ANKLE2: variants seen among roughly 807,000 people sequenced by gnomAD.
The protein encoded by ANKLE2 is ankyrin repeat and LEM domain-containing protein 2.
Under a neutral mutation model 84.2 loss-of-function variants are expected in ANKLE2, and 55 were observed. The ratio of observed to expected loss-of-function variants is 0.65; its 90% CI spans 0.53 to 0.82. The LOEUF (loss-of-function observed/expected upper bound fraction) is 0.82. Among genes scored for constraint, ANKLE2 ranks in the 40% least tolerant of loss-of-function variants. The probability of loss-of-function intolerance (pLI) is 0.00; values close to 1 mark genes in which losing one functional copy is unlikely to be tolerated. For missense variants in ANKLE2, 1,238 were observed against 1,201.9 expected, an observed-to-expected ratio of 1.03 and a Z score of -0.44; for synonymous variants, 551 against 486.1, an observed-to-expected ratio of 1.13 and a Z score of -1.76.
chr12:132,752,923 T>G (rs2044388111), intron 2 of ANKLE2, among the ~76,000 whole-genome samples: 1 of 150,468 alleles, frequency 6.6e-6, no homozygotes, highest in African/African-American at 2.4e-5. Context: ...TTTGGGAGGC[T>G]CAGGTGGGAG....
chr12:132,740,190 C>G (rs754258008), intron 7 of ANKLE2, among the ~76,000 whole-genome samples: 1 of 152,230 alleles, frequency 6.6e-6, no homozygotes, highest in Non-Finnish European at 1.5e-5. Context: ...GCAGCGACGC[C>G]TCAACGGCCC....
intron 10 of ANKLE2, 146 bp downstream of exon 10, chr12:132,734,239 C>T (rs181926321): frequency 2.2e-5 from 19 of 869,188 alleles, no homozygotes; most frequent in Admixed American, 5.6e-5. Context: ...AGAGAGGTTC[C>T]GTCTCAAAAA....
chr12:132,745,265 G>T, intron 5 of ANKLE2: 1 of 193,680 alleles, frequency 5.2e-6, no homozygotes. Flanking sequence ...GGCTACTGCT[G>T]TTGAGGGTCT....
rs555826589 is a variant in ANKLE2 at position 132,727,596 on chromosome 12, G to A, written c.2616-153C>T. Among the ~76,000 whole-genome samples the A allele has an allele frequency of 0.17, 10,666 of 61,828 alleles. 6 individuals are homozygous for A. Among genetic ancestry groups the A allele is most frequent in the South Asian group, 0.2 (437 of 2,146 alleles). The allele number at this position is 61,828 out of a possible 152,430, so 40.6% of individuals were successfully genotyped here. On this transcript the variant is annotated intron_variant, in intron 12 of 12. Transcript: ENST00000357997. The stretch of plus-strand genomic sequence containing the variant: ...TGGCACCGCGGGCACACACGCCCGG[G>A]TGGAAGAGACGCACTGCTGAACCCT...
rs2044441287 is a variant in ANKLE2 at position 132,754,819 on chromosome 12, G to C, written c.496C>G (p.Pro166Ala). 1.2e-6 allele frequency: 2 copies of C among 1,614,114 alleles called. No individual in the cohort carries two copies. The highest frequency in any genetic ancestry group is 2.2e-5 in the South Asian group (2 of 91,090). Residue 166 changes from proline (P) to alanine (A), a missense_variant, in exon 2 of 13, where the codon CCA (proline) becomes GCA (alanine). Pro to Ala is a conservative substitution (Grantham distance 27, BLOSUM62 -1). Coordinates refer to ENST00000357997, the MANE Select transcript of ANKLE2 (RefSeq NM_015114.3). ...TTGGATGTCACAGCTTCCTCCTCTG[G>C]AGGATTCAGGCCCACACTGTAACCA... is the stretch of plus-strand genomic sequence containing the variant. Reference protein sequence around the residue: ...DFGYSVGLNPPEEEAVTSKTC... With the variant: ...DFGYSVGLNPAEEEAVTSKTC...
Position 132,735,427 on chromosome 12 carries a change from C to T in ANKLE2, c.1679G>A (p.Arg560Lys). ...LHHVKKSDPE[R>K]GFERVGRELA... ...GTACCTTCCCACTCTCTCAAAGCCTCTTTCCGGGTCCGACTTCTTGACGTG... is the reference window on the plus strand; with the variant it reads ...GTACCTTCCCACTCTCTCAAAGCCTTTTTCCGGGTCCGACTTCTTGACGTG... Residue 560 changes from arginine (R) to lysine (K), a missense_variant, in exon 9 of 13, where the codon AGA becomes AAA. This residue lies in a region of ANKLE2 where 802 missense variants were observed against 774.5 expected (regional missense o/e 1.04). Coordinates refer to ENST00000357997, the MANE Select transcript of ANKLE2 (RefSeq NM_015114.3). The T allele has an allele frequency of 6.2e-7, 1 of 1,614,162 alleles. No individual in the cohort carries two copies. The highest frequency in any genetic ancestry group is 8.5e-7 in the Non-Finnish European group (1 of 1,180,032).
intron 11 of ANKLE2, 127 bp from the exon 12 acceptor site, chr12:132,728,290 C>G: frequency 8.3e-7 from 1 of 1,206,318 alleles, no homozygotes; most frequent in South Asian, 1.3e-5. Context: ...AATGCAGTGG[C>G]GTGATCTCGG....
At chr12:132,747,736 T>C in intron 5 of ANKLE2, 96 bp downstream of exon 5, 1 of 1,457,102 alleles carries the variant, frequency 6.9e-7, no homozygotes, top group African/African-American at 1.4e-5. Context: ...CCCAAAGTTA[T>C]TATACTAATG....
At chr12:132,754,286 T>G (rs2044427706) in intron 2 of ANKLE2, among the ~76,000 whole-genome samples, 1 of 152,128 alleles carries the variant, frequency 6.6e-6, no homozygotes, top group Non-Finnish European at 1.5e-5. Flanking sequence ...CCACAAATCT[T>G]TGATGCTGAA....
rs2044623477 is a variant in ANKLE2, at chr12:132,761,454, T to C, written c.181+164A>G. The stretch of plus-strand genomic sequence containing the variant: ...GGAAGCCAAGTCCCCGCAACTGCCC[T>C]TTCCGCGGCCGGAATGGCCTTTCCC... On this transcript the variant is annotated intron_variant, in intron 1 of 12. Coordinates refer to ENST00000357997, the MANE Select transcript of ANKLE2 (RefSeq NM_015114.3). 14 of 588,834 alleles carry C rather than the reference T, an allele frequency of 2.4e-5. No individual in the cohort carries two copies. The South Asian group carries it at 9.6e-4, about 41-fold the overall frequency. The allele number at this position is 588,834 out of a possible 1,614,324, so 36.5% of individuals were successfully genotyped here. A position where few individuals can be genotyped will look rare whatever the true frequency, so the allele number is the denominator to read the frequency against.
intron 7 of ANKLE2, chr12:132,737,442 C>T (rs751996919): frequency 3.1e-5 from 5 of 161,086 alleles, no homozygotes; most frequent in African/African-American, 4.8e-5. Context: ...CAGCCGGGTG[C>T]GGTGGCTCAC....
At chr12:132,755,847 C>G (rs1033378480) in intron 1 of ANKLE2, 2 of 149,906 alleles carry the variant, frequency 1.3e-5, no homozygotes, top group Non-Finnish European at 3.0e-5. Flanking sequence ...AGGCGTGAGC[C>G]TTTTTTCTTT....
intron 6 of ANKLE2, chr12:132,741,762 T>A (rs769053266): frequency 3.5e-6 from 2 of 573,020 alleles, no homozygotes; most frequent in South Asian, 3.1e-5. Context: ...GAGGAAAAGG[T>A]ACCAGCGCAT....
chr12:132,754,735 T>A lies in ANKLE2; in HGVS notation c.580A>T (p.Lys194Ter). 6.2e-7 allele frequency: 1 copy of A among 1,614,122 alleles called. No homozygotes were observed. Residue 194 changes from lysine (K) to a stop codon, truncating the protein, a stop_gained, in exon 2 of 13, where the codon AAG becomes TAG. Transcript: ENST00000357997. LOFTEE classifies it high-confidence loss of function. ...ACCCCATAGTACAGGGGCGGCTCCTTAGACGCAGTCGCTCCAGCTCTGTAG... is the reference window on the plus strand; with the variant it reads ...ACCCCATAGTACAGGGGCGGCTCCTAAGACGCAGTCGCTCCAGCTCTGTAG... The part of the protein sequence containing the change: ...DTYRAGATAS[K>*]EPPLYYGVCP...
chr12:132,761,739 G>T lies in ANKLE2; in HGVS notation c.60C>A (p.Gly20=). 7.7e-7 allele frequency: 1 copy of T among 1,306,986 alleles called. No homozygotes were observed. The highest frequency in any genetic ancestry group is 2.0e-5 in the South Asian group (1 of 50,824). The allele number at this position is 1,306,986 out of a possible 1,614,324, so 81.0% of individuals were successfully genotyped here. A position where few individuals can be genotyped will look rare whatever the true frequency, so the allele number is the denominator to read the frequency against. Residue 20 remains glycine (G), a synonymous_variant, in exon 1 of 13, where the codon GGC becomes GGA. Transcript: ENST00000357997. ...GCACAGCGATCAGCAGCACCGAGGC[G>T]CCCAGCAGCTCCCAGGCCAGCGCCG... ...EWAALAWELL[G]ASVLLIAVRW...
rs756229664 is a variant in ANKLE2, at chr12:132,754,722, A to G, written c.593T>C (p.Leu198Pro). 1.2e-6 allele frequency: 2 copies of G among 1,614,010 alleles called. No individual in the cohort carries two copies. The highest frequency in any genetic ancestry group is 1.7e-6 in the Non-Finnish European group (2 of 1,179,988). Residue 198 changes from leucine (L) to proline (P), a missense_variant, in exon 2 of 13, where the codon CTG (leucine) becomes CCG (proline). By Grantham distance (98) the Leu-to-Pro change is moderately conservative. Transcript: ENST00000357997. The part of the protein sequence containing the change: ...AGATASKEPP[L>P]YYGVCPVYED... ...ATACACTGGACACACCCCATAGTAC[A>G]GGGGCGGCTCCTTAGACGCAGTCGC... is the stretch of plus-strand genomic sequence containing the variant.
In ANKLE2 at chr12:132,727,457, G is replaced by A; in HGVS notation, c.2616-14C>T. 1 of 1,551,636 alleles carries A rather than the reference G, an allele frequency of 6.4e-7. No homozygotes were observed. The highest frequency in any genetic ancestry group is 8.7e-7 in the Non-Finnish European group (1 of 1,147,570). On this transcript the variant is annotated splice_polypyrimidine_tract_variant and intron_variant, in intron 12 of 12. Coordinates refer to ENST00000357997, the MANE Select transcript of ANKLE2 (RefSeq NM_015114.3). The stretch of plus-strand genomic sequence containing the variant: ...GGACTGGGCCAACTGCGGAAAGCAA[G>A]AAAGAACTGTTAGCAGACGGGCACA...
In ANKLE2 at chr12:132,729,759, C is replaced by T. The variant is rs767211770; in HGVS notation, c.2403G>A (p.Met801Ile). The T allele has an allele frequency of 3.1e-6, 5 of 1,612,006 alleles. No individual in the cohort carries two copies. The South Asian group carries it at 4.4e-5, about 14-fold the overall frequency. Residue 801 changes from methionine to isoleucine, a missense_variant, in exon 11 of 13, where the codon ATG becomes ATA. Coordinates refer to ENST00000357997, the MANE Select transcript of ANKLE2 (RefSeq NM_015114.3). ...ESEMSARIAKMSLSPSSPRHE... is the reference protein window; with the variant it reads ...ESEMSARIAKISLSPSSPRHE... ...GCCTGGGGCTGCTGGGACTCAAGGA[C>T]ATTTTAGCGATCCTGGCTGACATTT...
chr12:132,733,522 G>A (rs1294166410), intron 10 of ANKLE2, among the ~76,000 whole-genome samples: 15 of 149,296 alleles, frequency 1.0e-4, no homozygotes, highest in East Asian at 2.0e-4. Flanking sequence ...AGCTCTCTGC[G>A]TGCTGGTGCC....
Sources: allele counts gnomAD v4.1 joint callset (sites outside exome capture counted in the v4.1 genomes callset), GRCh38; gene constraint gnomAD v4.1.1; regional missense constraint gnomAD v4.1.1; transcripts MANE v1.5; gene names NCBI Gene and HGNC (gene_info 2026-07-23, HGNC 2026-07-21).